Variants in NDRG2 observed in about 807,000 individuals in gnomAD.
The protein encoded by NDRG2 is protein NDRG2.
Under a neutral mutation model 58.2 loss-of-function variants are expected in NDRG2, and 34 were observed. That is an observed-to-expected ratio of 0.58 (90% CI 0.44 to 0.78). The LOEUF (loss-of-function observed/expected upper bound fraction) is 0.78. Ranked by LOEUF, NDRG2 falls within the 30% of genes least tolerant of loss-of-function variation. The pLI, the probability that NDRG2 is intolerant of heterozygous loss-of-function variation, is 0.00. For synonymous variants in NDRG2, 187 were observed against 175.9 expected (o/e 1.06, Z -0.50); for missense variants, 434 against 471.2 (o/e 0.92, Z 0.73).
chr14:21,019,170 G>A lies in NDRG2; in HGVS notation c.717-10C>T, dbSNP rs958817722. ...GTTCAGGTCTCGGCGGCTAGAAAGGGGTTAAAAGAGTAGGAATTTTAGGTG... is the reference window on the plus strand; with the variant it reads ...GTTCAGGTCTCGGCGGCTAGAAAGGAGTTAAAAGAGTAGGAATTTTAGGTG... On this transcript the variant is annotated splice_polypyrimidine_tract_variant and intron_variant, in intron 10 of 15. Coordinates refer to ENST00000556147, the MANE Select transcript of NDRG2 (RefSeq NM_001320329.2). 4 of 1,608,254 alleles carry A rather than the reference G, an allele frequency of 2.5e-6. No homozygotes were observed. Among genetic ancestry groups the A allele is most frequent in the Non-Finnish European group, 3.4e-6 (4 of 1,178,154 alleles).
At chr14:21,067,402 G>A (rs1566513641) in intron 1 of NDRG2, among the ~76,000 whole-genome samples, 1 of 152,048 alleles carries the variant, frequency 6.6e-6, no homozygotes, top group African/African-American at 2.4e-5. Flanking sequence ...ATGGTGATGT[G>A]GTGTTTAAAA....
intron 1 of NDRG2, chr14:21,034,140 C>A: frequency 6.2e-7 from 1 of 1,614,210 alleles, no homozygotes; most frequent in Non-Finnish European, 8.5e-7. Flanking sequence ...ATTACAATAG[C>A]CCCGGAAACC....
At position 21,023,981 on chromosome 14, in the gene NDRG2, C is replaced by CGG. The variant is rs1882306378; in HGVS notation, c.-7+48_-7+49insCC. ...GTGGGTGAGGAGCAGAGCACCTGGACAGACCTGCACAGGAAGGAGCCTGCA... is the reference window on the plus strand; with the variant it reads ...GTGGGTGAGGAGCAGAGCACCTGGACGGAGACCTGCACAGGAAGGAGCCTGCA... On this transcript the variant is annotated intron_variant, in intron 1 of 15. Transcript: ENST00000556147. The CGG allele has an allele frequency of 3.0e-6, 3 of 985,914 alleles. No individual in the cohort carries two copies. In the African/African-American group the frequency reaches 5.2e-5, roughly 17 times the overall value. The allele number at this position is 985,914 out of a possible 1,614,324, so 61.1% of individuals were successfully genotyped here. A position where few individuals can be genotyped will look rare whatever the true frequency, so the allele number is the denominator to read the frequency against.
Position 21,017,269 on chromosome 14 carries a change from A to G in NDRG2, c.*327T>C. On this transcript the variant is annotated 3_prime_UTR_variant, in exon 16 of 16. Coordinates refer to ENST00000556147, the MANE Select transcript of NDRG2 (RefSeq NM_001320329.2). Reference sequence around the variant, plus strand: ...AGAGTCTGATGGAGGCACCAGGACAACTACAACAACCTCTTACCCCTCAGC... The same window carrying G: ...AGAGTCTGATGGAGGCACCAGGACAGCTACAACAACCTCTTACCCCTCAGC... 2.5e-6 allele frequency: 1 copy of G among 405,484 alleles called. No homozygotes were observed. Among genetic ancestry groups the G allele is most frequent in the Non-Finnish European group, 4.7e-6 (1 of 212,528 alleles). 25.1% of individuals were successfully genotyped at this position (405,484 alleles called of 1,614,324 possible).
chr14:21,041,770 G>T (rs1243468), intron 1 of NDRG2, among the ~76,000 whole-genome samples: 1 of 152,116 alleles, frequency 6.6e-6, no homozygotes, highest in African/African-American at 2.4e-5. Context: ...ATGTGGCCTT[G>T]GTTGGTACCT....
chr14:21,026,460 C>A (rs902305508), upstream of NDRG2, among the ~76,000 whole-genome samples: 7 of 151,040 alleles, frequency 4.6e-5, no homozygotes, highest in Admixed American at 1.3e-4. Context: ...GACTGCCCCC[C>A]CAAGACCCCC....
chr14:21,018,405 A>T (rs1240683377), intron 13 of NDRG2, 52 bp downstream of exon 13: 2 of 1,611,710 alleles, frequency 1.2e-6, no homozygotes, highest in African/African-American at 2.7e-5. Flanking sequence ...TAGCAGCTGC[A>T]TGTAGAGAGG....
At chr14:21,027,965 G>C (rs1043123519), upstream of NDRG2, among the ~76,000 whole-genome samples, 2 of 152,172 alleles carry the variant, frequency 1.3e-5, no homozygotes, top group African/African-American at 4.8e-5. Context: ...CTGAATAGTA[G>C]CTTCCCATGT....
intron 1 of NDRG2, among the ~76,000 whole-genome samples, chr14:21,066,366 C>CTGGA (rs1384632152): frequency 6.7e-6 from 1 of 150,228 alleles, no homozygotes; most frequent in Non-Finnish European, 1.5e-5. Flanking sequence ...TGTCGCCAGG[C>CTGGA]TGGAGTGCAG....
intron 6 of NDRG2, chr14:21,021,326 A>G: frequency 2.8e-6 from 1 of 351,564 alleles, no homozygotes; most frequent in South Asian, 2.3e-5. Flanking sequence ...CCTGGTGCCT[A>G]GGAGAAGCTT....
At chr14:21,026,052 C>G (rs560797740), upstream of NDRG2, among the ~76,000 whole-genome samples, 139 of 152,132 alleles carry the variant, frequency 9.1e-4, no homozygotes, top group African/African-American at 3.2e-3. Context: ...AGCTCAGGCC[C>G]GCTGAATCGC....
At chr14:21,030,611 T>C, upstream of NDRG2, 1 of 1,613,772 alleles carries the variant, frequency 6.2e-7, no homozygotes, top group Non-Finnish European at 8.5e-7. Context: ...AAACATTCCA[T>C]CGGTTTGCTG....
chr14:21,017,947 T>C, intron 15 of NDRG2, 40 bp downstream of exon 15: 1 of 1,614,094 alleles, frequency 6.2e-7, no homozygotes, highest in Non-Finnish European at 8.5e-7. Flanking sequence ...TCAGTGCCTA[T>C]CTCTCCTCTA....
chr14:21,022,216 T>A (rs1293538152), intron 4 of NDRG2, 34 bp from the exon 5 acceptor site: 1 of 1,613,976 alleles, frequency 6.2e-7, no homozygotes, highest in South Asian at 1.1e-5. Flanking sequence ...AACAATAGAA[T>A]CAGACAGGGA....
upstream of NDRG2, chr14:21,030,729 G>T: frequency 6.2e-7 from 1 of 1,614,132 alleles, no homozygotes; most frequent in Non-Finnish European, 8.5e-7. Context: ...CTCCACGGAC[G>T]TGGACATCGT....
chr14:21,064,173 T>C (rs1594525264), intron 1 of NDRG2, among the ~76,000 whole-genome samples: 1 of 152,212 alleles, frequency 6.6e-6, no homozygotes, highest in African/African-American at 2.4e-5. Context: ...TAATTCAAAG[T>C]GCGGAGGAGT....
intron 1 of NDRG2, among the ~76,000 whole-genome samples, chr14:21,039,604 G>C (rs909815269): frequency 6.6e-6 from 1 of 152,178 alleles, no homozygotes. Flanking sequence ...CAAGTACAAG[G>C]TGAAGCAGAT....
At chr14:21,017,804 G>C (rs1321559428) in intron 15 of NDRG2, 42 bp from the exon 16 acceptor site, 8 of 1,604,366 alleles carry the variant, frequency 5.0e-6, no homozygotes. Flanking sequence ...GAGAGGAAGT[G>C]GGGAAGGGGG....
At chr14:21,054,271 T>A (rs1363352519) in intron 1 of NDRG2, among the ~76,000 whole-genome samples, 1 of 152,096 alleles carries the variant, frequency 6.6e-6, no homozygotes, top group Non-Finnish European at 1.5e-5. Flanking sequence ...TATTTCTATC[T>A]CATGGGGATG....
Sources: allele counts gnomAD v4.1 joint callset (sites outside exome capture counted in the v4.1 genomes callset), GRCh38; gene constraint gnomAD v4.1.1; transcripts MANE v1.5; gene names NCBI Gene and HGNC (gene_info 2026-07-23, HGNC 2026-07-21).